The following PZP variants were observed in gnomAD, a reference collection of about 807,000 sequenced individuals.
PZP encodes the protein PZP alpha-2-macroglobulin like.
Under a neutral mutation model 179.8 loss-of-function variants are expected in PZP, and 150 were observed. The ratio of observed to expected loss-of-function variants is 0.83; its 90% CI spans 0.73 to 0.96. The LOEUF (loss-of-function observed/expected upper bound fraction) is 0.96. PZP is among the 40% of genes least tolerant of loss of function. The pLI, the probability that PZP is intolerant of heterozygous loss-of-function variation, is 0.00. For missense variants in PZP, 1,689 were observed against 1,764.0 expected, an observed-to-expected ratio of 0.96 and a Z score of 0.76; for synonymous variants, 624 against 652.3, an observed-to-expected ratio of 0.96 and a Z score of 0.66.
intron 25 of PZP, 83 bp downstream of exon 25, chr12:9,159,855 C>A: frequency 8.3e-7 from 1 of 1,198,454 alleles, no homozygotes; most frequent in Non-Finnish European, 1.2e-6. Context: ...CTGTTATAAG[C>A]AACAGAAAAT....
intron 10 of PZP, among the ~76,000 whole-genome samples, chr12:9,194,593 T>C (rs1259371584): frequency 6.6e-6 from 1 of 151,004 alleles, no homozygotes; most frequent in African/African-American, 2.4e-5. Flanking sequence ...GCCTCCCGAG[T>C]AGCTGGGACT....
In PZP at chr12:9,162,617, C is replaced by T; in HGVS notation, c.2768G>A (p.Ser923Asn). 1.3e-6 allele frequency: 2 copies of T among 1,596,266 alleles called. No individual in the cohort carries two copies. The highest frequency in any genetic ancestry group is 1.1e-5 in the South Asian group (1 of 90,492). The change falls in exon 22 of 36, where the codon AGT (serine) becomes AAT (asparagine). Residue 923 changes from serine (S) to asparagine (N), a missense_variant. Physicochemically the swap from Ser to Asn is conservative, Grantham distance 46. Around this residue, in one of 3 missense-constraint regions of PZP, gnomAD observed 746 missense variants for 749.2 expected, o/e 1.00. Coordinates refer to ENST00000261336, the MANE Select transcript of PZP (RefSeq NM_002864.3). ...AEGIEQEKTF[S>N]SMTCASGANV... ...CTTACCTGAGGCACAGGTCATAGAA[C>T]TGAAAGTCTTTTCTTGCTCAATACC...
At chr12:9,199,272 G>T (rs192314628) in intron 7 of PZP, among the ~76,000 whole-genome samples, 8 of 152,268 alleles carry the variant, frequency 5.3e-5, no homozygotes, top group African/African-American at 1.7e-4. Context: ...CTTTTGCCCA[G>T]TAATTGTGAC....
rs1193657031 is a variant in PZP at position 9,150,678 on chromosome 12, T to C, written c.4350A>G (p.Pro1450=). Residue 1450 remains proline (P), a synonymous_variant, in exon 34 of 36, where the codon CCA becomes CCG. Transcript: ENST00000261336. ...AGTAATCATAGACTTTAACAATTGC[T>C]GGCTTCAAGTCTCCTACTGGGATGT... ...LQDIPVGDLK[P]AIVKVYDYYE... 1 of 1,612,060 alleles carries C rather than the reference T, an allele frequency of 6.2e-7. No homozygotes were observed. Among genetic ancestry groups the C allele is most frequent in the Non-Finnish European group, 8.5e-7 (1 of 1,178,664 alleles).
chr12:9,197,695 T>C (rs1463729751), intron 7 of PZP, among the ~76,000 whole-genome samples: 1 of 91,416 alleles, frequency 1.1e-5, no homozygotes, highest in East Asian at 2.8e-4. Context: ...ATAATATATA[T>C]AATTATATAT....
At chr12:9,198,347 T>TA (rs1341539113) in intron 7 of PZP, among the ~76,000 whole-genome samples, 4 of 152,024 alleles carry the variant, frequency 2.6e-5, no homozygotes, top group Non-Finnish European at 5.9e-5. Flanking sequence ...CTCTGTCTAC[T>TA]AAAAAAATGT....
intron 15 of PZP, among the ~76,000 whole-genome samples, chr12:9,173,297 T>C (rs767641090): frequency 2.0e-5 from 3 of 152,280 alleles, no homozygotes; most frequent in Admixed American, 2.0e-4. Flanking sequence ...GACAATGTAC[T>C]GCAATCTCTG....
intron 17 of PZP, chr12:9,168,489 G>A (rs765481272): frequency 1.2e-4 from 21 of 173,720 alleles, no homozygotes; most frequent in East Asian, 4.9e-4. Context: ...TGATGTTCAC[G>A]TTGTTTCTTG....
chr12:9,205,622 A>G (rs772913570), intron 1 of PZP, among the ~76,000 whole-genome samples: 64 of 152,316 alleles, frequency 4.2e-4, no homozygotes, highest in African/African-American at 1.5e-3. Context: ...AGCTTTAATG[A>G]TTCAGTGATT....
At chr12:9,174,148 C>G (rs1942198380) in intron 15 of PZP, among the ~76,000 whole-genome samples, 1 of 152,206 alleles carries the variant, frequency 6.6e-6, no homozygotes, top group African/African-American at 2.4e-5. Context: ...TAGGCTTCAT[C>G]CCTGGGATGC....
In PZP at chr12:9,203,891, G is replaced by C. The variant is rs1461751254; in HGVS notation, c.144C>G (p.Val48=). The change falls in exon 2 of 36, where the codon GTC becomes GTG. Residue 48 remains valine (V), a synonymous_variant. Transcript: ENST00000261336. ...LHTEAPKKGC[V]LLSHLNETVT... is the part of the protein sequence containing the mutation. ...CTGTCTCATTCAGGTGGCTCAGAAGGACACAGCCCTTCTTAGGGGCCTCAG... is the reference window on the plus strand; with the variant it reads ...CTGTCTCATTCAGGTGGCTCAGAAGCACACAGCCCTTCTTAGGGGCCTCAG... 1.2e-6 allele frequency: 2 copies of C among 1,614,150 alleles called. No individual in the cohort carries two copies. The highest frequency in any genetic ancestry group is 1.7e-6 in the Non-Finnish European group (2 of 1,180,002).
intron 25 of PZP, among the ~76,000 whole-genome samples, chr12:9,159,329 A>G (rs1330568651): frequency 6.6e-6 from 1 of 152,204 alleles, no homozygotes; most frequent in Non-Finnish European, 1.5e-5. Context: ...TTATTTATCC[A>G]CACTGAATAT....
chr12:9,168,815 G>A (rs1941773684), intron 17 of PZP, 54 bp downstream of exon 17: 4 of 1,329,636 alleles, frequency 3.0e-6, no homozygotes, highest in Middle Eastern at 1.8e-4. Context: ...AGCATTTTGG[G>A]CATAGTAATA....
intron 18 of PZP, among the ~76,000 whole-genome samples, 179 bp from the exon 19 acceptor site, chr12:9,165,546 A>G (rs1021343133): frequency 2.0e-5 from 3 of 152,208 alleles, no homozygotes; most frequent in Non-Finnish European, 4.4e-5. Context: ...AATGAAAGCC[A>G]CTGAATGGTA....
chr12:9,176,616 C>G (rs148222265), intron 15 of PZP, among the ~76,000 whole-genome samples: 1 of 152,330 alleles, frequency 6.6e-6, no homozygotes, highest in African/African-American at 2.4e-5. Context: ...TCAACAGATT[C>G]AAGAACCCAC....
intron 28 of PZP, 89 bp from the exon 29 acceptor site, chr12:9,154,928 A>G: frequency 1.6e-6 from 2 of 1,284,814 alleles, no homozygotes; most frequent in East Asian, 2.5e-5. Flanking sequence ...TAATACATGG[A>G]GCTGAAAATA....
In PZP at chr12:9,161,109, AT is replaced by A. The variant is rs1431007748; in HGVS notation, c.2795del (p.Asn932MetfsTer8). On this transcript the variant is annotated frameshift_variant, in exon 23 of 36. Transcript: ENST00000261336. LOFTEE classifies it high-confidence loss of function. ...GCTTCAAGGACAACTGCTCAGACAC[AT>A]TAGCACCTTTAGAAACAGACAGCCC... ...FSSMTCASGANVSEQLSLKLP... is the reference protein window; with the variant it reads ...FSSMTCASGAXVSEQLSLKLP... 1 of 1,574,990 alleles carries A rather than the reference AT, an allele frequency of 6.3e-7. No homozygotes were observed. Among genetic ancestry groups the A allele is most frequent in the Non-Finnish European group, 8.7e-7 (1 of 1,151,288 alleles).
At chr12:9,185,486 T>C (rs1445747138) in intron 13 of PZP, among the ~76,000 whole-genome samples, 3 of 152,184 alleles carry the variant, frequency 2.0e-5, no homozygotes, top group Non-Finnish European at 4.4e-5. Flanking sequence ...GAGATGAGCA[T>C]AATGAAAGCA....
intron 33 of PZP, 29 bp downstream of exon 33, chr12:9,151,575 A>T (rs1184793565): frequency 1.9e-6 from 3 of 1,591,950 alleles, no homozygotes; most frequent in Non-Finnish European, 2.6e-6. Context: ...ACCCATATGT[A>T]GTCTCAGCCA....
Sources: gnomAD v4.1 joint callset for allele counts (sites outside exome capture counted in the v4.1 genomes callset) on GRCh38, gnomAD v4.1.1 for gene constraint, gnomAD v4.1.1 regional missense constraint, MANE v1.5 for transcripts, NCBI Gene and HGNC (gene_info 2026-07-23, HGNC 2026-07-21) for gene names.